The following EYS variants were observed in gnomAD, a reference collection of about 807,000 sequenced individuals.
EYS encodes the protein protein eyes shut homolog.
EYS carries 250 observed loss-of-function variants against 282.1 expected under a neutral mutation model. The ratio of observed to expected loss-of-function variants is 0.89; its 90% CI spans 0.80 to 0.98. The LOEUF is 0.98. Among genes scored for constraint, EYS ranks in the 50% least tolerant of loss-of-function variants. EYS has a pLI of 0.00. For missense variants in EYS, 4,016 were observed against 3,709.0 expected (o/e 1.08, Z -2.15); for synonymous variants, 1,355 against 1,282.9 (o/e 1.06, Z -1.20).
chr6:65,701,272 G>A (rs1000233575), intron 1 of EYS, among the ~76,000 whole-genome samples: 1 of 152,104 alleles, frequency 6.6e-6, no homozygotes, highest in Non-Finnish European at 1.5e-5. Flanking sequence ...AAAATAACAC[G>A]AATGTCTATT....
At chr6:64,264,606 C>T (rs1767696217) in intron 30 of EYS, among the ~76,000 whole-genome samples, 1 of 152,042 alleles carries the variant, frequency 6.6e-6, no homozygotes, top group Admixed American at 6.6e-5. Context: ...ATAGACTTCA[C>T]TTCTTAATGA....
intron 12 of EYS, among the ~76,000 whole-genome samples, chr6:65,249,774 A>C (rs1450361140): frequency 1.3e-5 from 2 of 152,098 alleles, no homozygotes; most frequent in African/African-American, 4.8e-5. Flanking sequence ...TGAAAGATGC[A>C]GTGGAGAAGA....
chr6:64,797,684 C>G (rs1273391109), intron 22 of EYS, among the ~76,000 whole-genome samples: 2 of 151,904 alleles, frequency 1.3e-5, no homozygotes, highest in Non-Finnish European at 2.9e-5. Context: ...TTTTAGGGTA[C>G]ATGTGCACAA....
intron 28 of EYS, among the ~76,000 whole-genome samples, chr6:64,406,448 C>T (rs9353766): frequency 0.28 from 42,154 of 151,966 alleles, 5,969 homozygotes; most frequent in East Asian, 0.46. Context: ...CAACAAAAGC[C>T]AAAATTGACA....
chr6:65,575,704 C>T (rs1764640127), intron 2 of EYS, among the ~76,000 whole-genome samples: 1 of 150,950 alleles, frequency 6.6e-6, no homozygotes, highest in African/African-American at 2.4e-5. Flanking sequence ...TTAGCTAGAC[C>T]AACAGGGAAA....
In EYS at chr6:64,663,813, T is replaced by C. The variant is rs374075601; in HGVS notation, c.3444-37568A>G. Among the ~76,000 whole-genome samples the C allele has an allele frequency of 2.6e-3, 391 of 152,250 alleles. 1 individual carries two copies. The highest frequency in any genetic ancestry group is 9.1e-3 in the African/African-American group (379 of 41,564). ...GCACTCTGACCTGGGGTTCTTGGCCTCAAGGATTCCAAGGAATAGAACCTT... is the reference window on the plus strand; with the variant it reads ...GCACTCTGACCTGGGGTTCTTGGCCCCAAGGATTCCAAGGAATAGAACCTT... On this transcript the variant is annotated intron_variant, in intron 22 of 42. Coordinates refer to ENST00000503581, the MANE Select transcript of EYS (RefSeq NM_001142800.2).
intron 22 of EYS, among the ~76,000 whole-genome samples, chr6:64,635,496 C>A (rs1013255565): frequency 1.3e-5 from 2 of 152,110 alleles, no homozygotes; most frequent in African/African-American, 4.8e-5. Flanking sequence ...AGATATGTCC[C>A]ATCAATACCT....
chr6:65,621,645 G>A (rs1766499034), intron 2 of EYS, among the ~76,000 whole-genome samples: 1 of 151,792 alleles, frequency 6.6e-6, no homozygotes, highest in African/African-American at 2.4e-5. Context: ...TTTCTTCCTA[G>A]TCTCGATGGT....
intron 26 of EYS, among the ~76,000 whole-genome samples, chr6:64,548,544 A>G (rs1178837067): frequency 6.6e-6 from 1 of 152,106 alleles, no homozygotes; most frequent in Non-Finnish European, 1.5e-5. Context: ...TGGATGAAGC[A>G]GGAAACCATC....
chr6:65,453,753 AC>A (rs1041996565), intron 5 of EYS, among the ~76,000 whole-genome samples: 4 of 152,060 alleles, frequency 2.6e-5, no homozygotes, highest in Admixed American at 2.0e-4. Context: ...TATTTTAGAT[AC>A]CAGGTATGAG....
chr6:63,991,385 A>G (rs1204691845), intron 34 of EYS, among the ~76,000 whole-genome samples: 1 of 151,726 alleles, frequency 6.6e-6, no homozygotes, highest in African/African-American at 2.4e-5. Flanking sequence ...TCCAGGAGAC[A>G]ACCCTTTAAA....
intron 13 of EYS, among the ~76,000 whole-genome samples, chr6:65,004,181 C>A (rs1226554459): frequency 6.8e-6 from 1 of 147,160 alleles, no homozygotes; most frequent in Non-Finnish European, 1.5e-5. Flanking sequence ...AAAAATTCTA[C>A]CATTTCAAAT....
At chr6:64,659,791 G>A (rs10944674) in intron 22 of EYS, among the ~76,000 whole-genome samples, 96,981 of 151,626 alleles carry the variant, frequency 0.64, 31,223 homozygotes, top group African/African-American at 0.71. Context: ...ATTCACAGCC[G>A]AATTCTACCA....
chr6:64,452,076 T>C (rs1308921136), intron 26 of EYS, among the ~76,000 whole-genome samples: 2 of 152,174 alleles, frequency 1.3e-5, no homozygotes, highest in Admixed American at 1.3e-4. Context: ...ATTGTCCCTG[T>C]TTGCAGACAA....
chr6:64,950,825 ATATATATATT>A lies in EYS; in HGVS notation c.2260-4921_2260-4912del, dbSNP rs1236216453. On this transcript the variant is annotated intron_variant, in intron 14 of 42. Transcript: ENST00000503581. ...TATATATATATATATATATATATAT[ATATATATATT>A]GTTGAATTGTTACAAGAACAACTGA... Among the ~76,000 whole-genome samples the A allele has an allele frequency of 2.8e-3, 321 of 116,658 alleles. 6 individuals are homozygous for A. Among genetic ancestry groups the A allele is most frequent in the African/African-American group, 9.3e-3 (283 of 30,500 alleles). The allele number at this position is 116,658 out of a possible 152,430, so 76.5% of individuals were successfully genotyped here. A position where few individuals can be genotyped will look rare whatever the true frequency, so the allele number is the denominator to read the frequency against.
chr6:65,464,003 C>A (rs890054743), intron 5 of EYS, among the ~76,000 whole-genome samples: 1 of 152,014 alleles, frequency 6.6e-6, no homozygotes, highest in Admixed American at 6.6e-5. Context: ...TGATTTGGTG[C>A]TTTTATCTTT....
intron 12 of EYS, among the ~76,000 whole-genome samples, chr6:65,083,403 G>T (rs923626230): frequency 6.6e-6 from 1 of 151,812 alleles, no homozygotes; most frequent in African/African-American, 2.4e-5. Context: ...AAATCTATAG[G>T]TAGCATCCAA....
intron 35 of EYS, among the ~76,000 whole-genome samples, chr6:63,899,644 G>C (rs925034637): frequency 2.0e-5 from 3 of 152,066 alleles, no homozygotes; most frequent in Admixed American, 2.0e-4. Context: ...ATTCATTCAG[G>C]CTGCCTCTTC....
At chr6:65,637,073 G>A (rs529431359) in intron 2 of EYS, among the ~76,000 whole-genome samples, 18 of 152,250 alleles carry the variant, frequency 1.2e-4, no homozygotes, top group South Asian at 2.1e-4. Context: ...CCACCTCTGC[G>A]TCTAAGATTA....
Sources: gnomAD v4.1 joint callset for allele counts (sites outside exome capture counted in the v4.1 genomes callset) on GRCh38, gnomAD v4.1.1 for gene constraint, MANE v1.5 for transcripts, NCBI Gene and HGNC (gene_info 2026-07-23, HGNC 2026-07-21) for gene names.